Variants in PAM16 observed in about 807,000 individuals in gnomAD.
PAM16 encodes the protein presequence translocase associated motor 16.
In PAM16, 11 loss-of-function variants were observed where a neutral mutation model predicts 17.9. The observed-to-expected ratio is 0.62, with a 90% CI of 0.39 to 1.02. The LOEUF (loss-of-function observed/expected upper bound fraction) is 1.02. PAM16 is among the 50% of genes least tolerant of loss of function. The pLI, the probability that PAM16 is intolerant of heterozygous loss-of-function variation, is 0.01. For synonymous variants in PAM16, 72 were observed against 67.4 expected (o/e 1.07, Z -0.34); for missense variants, 199 against 165.4 (o/e 1.20, Z -1.11).
Position 4,343,220 on chromosome 16 carries a change from C to CCGCAAGG in PAM16, c.68_74dup (p.Gln26LeufsTer13). 6.2e-7 allele frequency: 1 copy of CCGCAAGG among 1,612,814 alleles called. No individual in the cohort carries two copies. The highest frequency in any genetic ancestry group is 8.5e-7 in the Non-Finnish European group (1 of 1,179,970). On this transcript the variant is annotated frameshift_variant, in exon 2 of 5. Transcript: ENST00000318059. LOFTEE classifies it high-confidence loss of function. ...ACCCATGCTTACCTGCAAACTCCTG[C>CCGCAAGG]CGCAAGGCCCGTGCAAAGGCCCTGC...
chr16:4,342,146 C>A (rs531124259), intron 2 of PAM16, among the ~76,000 whole-genome samples: 24 of 152,076 alleles, frequency 1.6e-4, no homozygotes, highest in African/African-American at 4.3e-4. Flanking sequence ...GTCAAGAGAT[C>A]GAGACCATCC....
intron 2 of PAM16, 75 bp from the exon 3 acceptor site, chr16:4,341,579 C>G: frequency 6.6e-7 from 1 of 1,508,282 alleles, no homozygotes; most frequent in Non-Finnish European, 8.9e-7. Context: ...GTTGGTGGCT[C>G]ACCCCTGCCA....
intron 1 of PAM16, chr16:4,347,137 A>C (rs2053770914): frequency 6.6e-6 from 1 of 152,148 alleles, no homozygotes; most frequent in South Asian, 2.1e-4. Context: ...AAGCCTCCCG[A>C]GTAGCTGGAG....
rs1238197830 is a variant in PAM16 at position 4,343,853 on chromosome 16, A to G, written c.4-562T>C. 6 of 400,030 alleles carry G rather than the reference A, an allele frequency of 1.5e-5. No individual in the cohort carries two copies. In the East Asian group the frequency reaches 2.1e-4, roughly 14 times the overall value. 24.8% of individuals were successfully genotyped at this position (400,030 alleles called of 1,614,324 possible). A position where few individuals can be genotyped will look rare whatever the true frequency, so the allele number is the denominator to read the frequency against. Reference sequence around the variant, plus strand: ...ATCTTCAAGGAGCTAAAAGCCCACTAGGAGGGTATTTAAACACACTATGGA... The same window carrying G: ...ATCTTCAAGGAGCTAAAAGCCCACTGGGAGGGTATTTAAACACACTATGGA... On this transcript the variant is annotated intron_variant, in intron 1 of 4. Coordinates refer to ENST00000318059, the MANE Select transcript of PAM16 (RefSeq NM_016069.11).
chr16:4,342,692 C>A (rs1434063875), intron 2 of PAM16, among the ~76,000 whole-genome samples: 1 of 151,354 alleles, frequency 6.6e-6, no homozygotes, highest in South Asian at 2.1e-4. Context: ...CAGGGCCGGG[C>A]GCTGTGGCTC....
At chr16:4,341,026 A>C (rs2053636824) in intron 3 of PAM16, 41 bp from the exon 4 acceptor site, 1 of 1,611,820 alleles carries the variant, frequency 6.2e-7, no homozygotes, top group South Asian at 1.1e-5. Flanking sequence ...TGCAGACTGC[A>C]GGCAAGAGAT....
intron 1 of PAM16, chr16:4,344,011 G>C: frequency 2.5e-6 from 1 of 397,938 alleles, no homozygotes; most frequent in Non-Finnish European, 4.4e-6. Flanking sequence ...TCCCTGCCCC[G>C]AGTCAGAGCA....
chr16:4,349,017 C>T (rs537854583), intron 1 of PAM16, among the ~76,000 whole-genome samples: 4 of 140,274 alleles, frequency 2.9e-5, no homozygotes, highest in East Asian at 4.3e-4. Context: ...TGCAGTAGCG[C>T]GACCTTCGGC....
chr16:4,341,257 C>A (rs2141141056), intron 3 of PAM16, 111 bp downstream of exon 3: 1 of 1,468,080 alleles, frequency 6.8e-7, no homozygotes, highest in Non-Finnish European at 9.1e-7. Context: ...GGAGTCCGAG[C>A]TGGGTGCAGC....
At chr16:4,348,573 C>T (rs2053794143) in intron 1 of PAM16, 1 of 152,432 alleles carries the variant, frequency 6.6e-6, no homozygotes, top group African/African-American at 2.4e-5. Flanking sequence ...CTGTCAAAAC[C>T]CAACATCCCT....
intron 1 of PAM16, chr16:4,346,838 C>T (rs1259427465): frequency 1.3e-5 from 2 of 152,110 alleles, no homozygotes; most frequent in African/African-American, 4.8e-5. Context: ...TCCTGCCTCA[C>T]CCTCCCAAGT....
intron 1 of PAM16, among the ~76,000 whole-genome samples, chr16:4,350,296 A>ATG (rs201469434): frequency 0.036 from 5,368 of 149,654 alleles, 122 homozygotes; most frequent in Admixed American, 0.089. Context: ...TGTATATATT[A>ATG]TGTGTGTGTG....
intron 1 of PAM16, chr16:4,346,074 A>G: frequency 4.7e-6 from 3 of 641,988 alleles, no homozygotes; most frequent in Non-Finnish European, 5.8e-6. Flanking sequence ...CATCCCCTGC[A>G]CACTTCAAAC....
chr16:4,340,515 T>A, intron 4 of PAM16, 110 bp from the exon 5 acceptor site: 1 of 1,230,724 alleles, frequency 8.1e-7, no homozygotes, highest in Non-Finnish European at 1.1e-6. Context: ...TGAAGGGCAG[T>A]GGGTGGATAC....
In PAM16 at chr16:4,340,318, G is replaced by A. The variant is rs1456816271; in HGVS notation, c.*1C>T. 6.2e-7 allele frequency: 1 copy of A among 1,611,384 alleles called. No individual in the cohort carries two copies. The highest frequency in any genetic ancestry group is 2.2e-5 in the East Asian group (1 of 44,826). The stretch of plus-strand genomic sequence containing the variant: ...CGGGGTGGGCGGGGGGAGCCGAGCA[G>A]TCACGTATGGGGCATCTGCCCTTTT... On this transcript the variant is annotated 3_prime_UTR_variant, in exon 5 of 5. Transcript: ENST00000318059.
chr16:4,340,927 T>A lies in PAM16; in HGVS notation c.284A>T (p.Gln95Leu). The A allele has an allele frequency of 6.2e-7, 1 of 1,613,608 alleles. No individual in the cohort carries two copies. The highest frequency in any genetic ancestry group is 8.5e-7 in the Non-Finnish European group (1 of 1,179,966). ...GAATCAAAGACCACTCACCTTTGAC[T>A]GCAGGTAGAAGGAGCCACCCACGGA... is the stretch of plus-strand genomic sequence containing the variant. Reference protein sequence around the residue: ...DKSVGGSFYLQSKVVRAKERL... With the variant: ...DKSVGGSFYLLSKVVRAKERL... Residue 95 changes from glutamine (Q) to leucine (L), a missense_variant, in exon 4 of 5, where the codon CAG becomes CTG. By Grantham distance (113) the Gln-to-Leu change is moderately radical (BLOSUM62 -2). Coordinates refer to ENST00000318059, the MANE Select transcript of PAM16 (RefSeq NM_016069.11).
At chr16:4,349,201 C>T (rs1424187348) in intron 1 of PAM16, among the ~76,000 whole-genome samples, 3 of 151,826 alleles carry the variant, frequency 2.0e-5, no homozygotes, top group South Asian at 2.1e-4. Context: ...GTGATCCACC[C>T]GCCTGAGACC....
chr16:4,340,864 A>G lies in PAM16; in HGVS notation c.291+56T>C, dbSNP rs377245232. 10 of 1,600,726 alleles carry G rather than the reference A, an allele frequency of 6.2e-6. No individual in the cohort carries two copies. The African/African-American group carries it at 1.3e-4, about 21-fold the overall frequency. ...CTCCCCCAACTAGGAATTGAGCCCC[A>G]GGTGAGAAGAAGGGGTCCCATGACT... On this transcript the variant is annotated intron_variant, in intron 4 of 4. Transcript: ENST00000318059.
rs1276645176 is a variant in PAM16 at position 4,343,632 on chromosome 16, C to A, written c.4-341G>T. ...ACACTGTGGTCTGGGAGCCAGAACACAGGGACAGCCCTGGACCTGGCAGTA... is the reference window on the plus strand; with the variant it reads ...ACACTGTGGTCTGGGAGCCAGAACAAAGGGACAGCCCTGGACCTGGCAGTA... On this transcript the variant is annotated intron_variant, in intron 1 of 4. Transcript: ENST00000318059. 8 of 1,271,116 alleles carry A rather than the reference C, an allele frequency of 6.3e-6. No homozygotes were observed. In the South Asian group the frequency reaches 8.2e-5, roughly 13 times the overall value. 78.7% of individuals were successfully genotyped at this position (1,271,116 alleles called of 1,614,324 possible).
Sources: gnomAD v4.1 joint callset for allele counts (sites outside exome capture counted in the v4.1 genomes callset) on GRCh38, gnomAD v4.1.1 for gene constraint, MANE v1.5 for transcripts, NCBI Gene and HGNC (gene_info 2026-07-23, HGNC 2026-07-21) for gene names.